ANO4: variants seen among roughly 807,000 people sequenced by gnomAD.
The protein encoded by ANO4 is anoctamin 4.
ANO4 carries 69 observed loss-of-function variants against 141.9 expected under a neutral mutation model. That is an observed-to-expected ratio of 0.49 (90% CI 0.40 to 0.59). The LOEUF is 0.59. Among genes scored for constraint, ANO4 ranks in the 20% least tolerant of loss-of-function variants. The pLI is 0.00. For missense variants in ANO4, 894 were observed against 1,162.2 expected (o/e 0.77, Z 3.36); for synonymous variants, 350 against 394.3 (o/e 0.89, Z 1.33).
At chr12:101,052,268 T>G (rs12316210) in intron 14 of ANO4, among the ~76,000 whole-genome samples, 39,715 of 152,062 alleles carry the variant, frequency 0.26, 7,319 homozygotes, top group African/African-American at 0.52. Context: ...CCCTGAGGTA[T>G]GCTGTGAGCC....
rs138279207 is a variant in ANO4, at chr12:100,799,951, A to G, written c.-141+4924A>G. ...ATACACAGCTGACACTGTGCCATTC[A>G]TTGTTCACAAATCTGCTTTGTGGCA... is the stretch of plus-strand genomic sequence containing the variant. On this transcript the variant is annotated intron_variant, in intron 1 of 27. Coordinates refer to ENST00000392977, the MANE Select transcript of ANO4 (RefSeq NM_001286615.2). Among the ~76,000 whole-genome samples, 388 of 152,166 alleles carry G rather than the reference A, an allele frequency of 2.5e-3. 1 individual carries two copies. Among genetic ancestry groups the G allele is most frequent in the African/African-American group, 8.6e-3 (356 of 41,528 alleles).
intron 9 of ANO4, 81 bp from the exon 10 acceptor site, chr12:101,037,014 A>C (rs1405427550): frequency 1.4e-6 from 2 of 1,403,892 alleles, no homozygotes; most frequent in African/African-American, 2.8e-5. Context: ...TCCTCCAAAA[A>C]GCACCACACT....
chr12:100,807,527 G>A (rs78706858), intron 1 of ANO4, among the ~76,000 whole-genome samples: 5,953 of 152,160 alleles, frequency 0.039, 391 homozygotes, highest in African/African-American at 0.14. Flanking sequence ...ATGTTTTGGA[G>A]AAAGGGTTAA....
At chr12:100,827,891 C>T (rs2036438287) in intron 1 of ANO4, among the ~76,000 whole-genome samples, 1 of 151,932 alleles carries the variant, frequency 6.6e-6, no homozygotes, top group Non-Finnish European at 1.5e-5. Flanking sequence ...CTTCATTATT[C>T]ACCCCCATTT....
chr12:100,965,485 G>A (rs1412540204), intron 5 of ANO4, among the ~76,000 whole-genome samples: 1 of 152,134 alleles, frequency 6.6e-6, no homozygotes, highest in Non-Finnish European at 1.5e-5. Flanking sequence ...ATCCCTGCCT[G>A]TAACTCATTA....
At chr12:100,943,589 C>T (rs1281700251) in intron 5 of ANO4, among the ~76,000 whole-genome samples, 1 of 152,020 alleles carries the variant, frequency 6.6e-6, no homozygotes, top group Non-Finnish European at 1.5e-5. Flanking sequence ...GGAATGTCTC[C>T]AAGAGAATTG....
In ANO4 at chr12:101,060,016, T is replaced by G. The variant is rs2048284635; in HGVS notation, c.1312+11615T>G. ...TTTCCCGCTTTCTCCTGTGGGCATTTAGTGCTATAAATTTCCCTGCAAACA... is the reference window on the plus strand; with the variant it reads ...TTTCCCGCTTTCTCCTGTGGGCATTGAGTGCTATAAATTTCCCTGCAAACA... On this transcript the variant is annotated intron_variant, in intron 14 of 27. Coordinates refer to ENST00000392977, the MANE Select transcript of ANO4 (RefSeq NM_001286615.2). Among the ~76,000 whole-genome samples, 3 of 152,262 alleles carry G rather than the reference T, an allele frequency of 2.0e-5. No individual in the cohort carries two copies. In the South Asian group the frequency reaches 6.2e-4, roughly 32 times the overall value.
chr12:100,822,833 G>A (rs2036125391), intron 1 of ANO4, among the ~76,000 whole-genome samples: 1 of 151,848 alleles, frequency 6.6e-6, no homozygotes, highest in Non-Finnish European at 1.5e-5. Flanking sequence ...TTCCTTTGTG[G>A]TAACTTTAGG....
In ANO4 at chr12:100,797,130, GTA is replaced by G. The variant is rs57640251; in HGVS notation, c.-141+2118_-141+2119del. Among the ~76,000 whole-genome samples the G allele has an allele frequency of 7.8e-4, 117 of 149,172 alleles. 1 individual carries two copies. Among genetic ancestry groups the G allele is most frequent in the African/African-American group, 1.6e-3 (67 of 40,606 alleles). On this transcript the variant is annotated intron_variant, in intron 1 of 27. Coordinates refer to ENST00000392977, the MANE Select transcript of ANO4 (RefSeq NM_001286615.2). Reference sequence around the variant, plus strand: ...TGCAATTGTTTATATATATGTGTGTGTATATATATATATATACACACATATAC... The same window carrying G: ...TGCAATTGTTTATATATATGTGTGTGTATATATATATATACACACATATAC...
intron 14 of ANO4, among the ~76,000 whole-genome samples, chr12:101,049,713 G>T (rs1013156556): frequency 6.6e-6 from 1 of 152,152 alleles, no homozygotes; most frequent in African/African-American, 2.4e-5. Context: ...TTCACTTGAG[G>T]GAGCTTGTTC....
At chr12:100,914,041 A>C (rs1199195575) in intron 2 of ANO4, among the ~76,000 whole-genome samples, 1 of 152,200 alleles carries the variant, frequency 6.6e-6, no homozygotes, top group Non-Finnish European at 1.5e-5. Context: ...TCGTCATCAC[A>C]ACAGACCTCA....
intron 2 of ANO4, among the ~76,000 whole-genome samples, chr12:100,737,947 C>T (rs2031685176): frequency 6.6e-6 from 1 of 151,962 alleles, no homozygotes; most frequent in Non-Finnish European, 1.5e-5. Flanking sequence ...TATGTCTTGC[C>T]CAAAGCAGGG....
At chr12:100,834,844 A>C (rs78093368) in intron 1 of ANO4, among the ~76,000 whole-genome samples, 70 of 152,266 alleles carry the variant, frequency 4.6e-4, no homozygotes, top group African/African-American at 1.6e-3. Flanking sequence ...CTAGCAATGC[A>C]GATATATGAG....
At chr12:101,006,738 C>A (rs2045888175) in intron 8 of ANO4, among the ~76,000 whole-genome samples, 2 of 152,086 alleles carry the variant, frequency 1.3e-5, no homozygotes. Flanking sequence ...CTATAAAGTT[C>A]TAAAATATGC....
chr12:100,722,033 T>C (rs1355998245), intron 1 of ANO4, among the ~76,000 whole-genome samples: 1 of 152,124 alleles, frequency 6.6e-6, no homozygotes, highest in African/African-American at 2.4e-5. Flanking sequence ...TTTTCTCATC[T>C]GTAAAATGAG....
chr12:101,010,965 T>A (rs1261139920), intron 8 of ANO4, among the ~76,000 whole-genome samples: 1 of 152,214 alleles, frequency 6.6e-6, no homozygotes, highest in African/African-American at 2.4e-5. Context: ...AGTCAACATG[T>A]GGCTGCAGTT....
Position 100,917,346 on chromosome 12 carries a change from A to G in ANO4, c.56-4880A>G, listed in dbSNP as rs79700835. Among the ~76,000 whole-genome samples, 65 of 152,306 alleles carry G rather than the reference A, an allele frequency of 4.3e-4. 1 individual carries two copies. The highest frequency in any genetic ancestry group is 3.9e-3 in the East Asian group (20 of 5,174). On this transcript the variant is annotated intron_variant, in intron 2 of 27. Coordinates refer to ENST00000392977, the MANE Select transcript of ANO4 (RefSeq NM_001286615.2). ...TTTAAAGAATCTTCAGTTTGAATCT[A>G]TAGTATCTTTACCATCTTGCCTAGT...
intron 4 of ANO4, among the ~76,000 whole-genome samples, chr12:100,941,162 T>C (rs1331033011): frequency 3.3e-5 from 5 of 152,008 alleles, no homozygotes; most frequent in Admixed American, 2.0e-4. Flanking sequence ...ATATTTTGTA[T>C]ATGTATGTTT....
chr12:100,733,711 A>T, intron 1 of ANO4: 1 of 668,098 alleles, frequency 1.5e-6, no homozygotes, highest in African/African-American at 1.8e-5. Flanking sequence ...TCATATATTT[A>T]CATTGTGGTC....
Sources: allele counts gnomAD v4.1 joint callset (sites outside exome capture counted in the v4.1 genomes callset), GRCh38; gene constraint gnomAD v4.1.1; transcripts MANE v1.5; gene names NCBI Gene and HGNC (gene_info 2026-07-23, HGNC 2026-07-21).